Variants in MAPKAP1 observed in about 807,000 individuals in gnomAD.
MAPKAP1 encodes MAPK associated protein 1.
A neutral mutation model predicts 65.7 loss-of-function variants in MAPKAP1; 20 were observed. That is an observed-to-expected ratio of 0.30 (90% CI 0.21 to 0.44). The LOEUF (loss-of-function observed/expected upper bound fraction) is 0.44, where lower values mean the gene tolerates loss of function less well. Ranked by LOEUF, MAPKAP1 falls within the 20% of genes least tolerant of loss-of-function variation. The pLI, the probability that MAPKAP1 is intolerant of heterozygous loss-of-function variation, is 1.00. For synonymous variants in MAPKAP1, 222 were observed against 244.3 expected, an observed-to-expected ratio of 0.91 and a Z score of 0.85; for missense variants, 423 against 648.0, an observed-to-expected ratio of 0.65 and a Z score of 3.77.
intron 7 of MAPKAP1, among the ~76,000 whole-genome samples, chr9:125,536,238 G>A (rs1830069486): frequency 6.6e-6 from 1 of 152,074 alleles, no homozygotes; most frequent in South Asian, 2.1e-4. Context: ...TCTATATTTG[G>A]GAAGATCCAT....
At chr9:125,607,978 G>T (rs1266633688) in intron 4 of MAPKAP1, among the ~76,000 whole-genome samples, 2 of 152,200 alleles carry the variant, frequency 1.3e-5, no homozygotes, top group African/African-American at 4.8e-5. Context: ...AAATCAACTT[G>T]TGGGCTTCCG....
chr9:125,452,879 G>A (rs750037331), intron 10 of MAPKAP1, among the ~76,000 whole-genome samples: 14 of 151,772 alleles, frequency 9.2e-5, no homozygotes, highest in South Asian at 4.2e-4. Context: ...GTAACACAGC[G>A]GGACTCTGTC....
At chr9:125,603,110 T>A (rs537492004) in intron 4 of MAPKAP1, among the ~76,000 whole-genome samples, 2 of 151,980 alleles carry the variant, frequency 1.3e-5, no homozygotes, top group Non-Finnish European at 2.9e-5. Flanking sequence ...GTCTCAATTA[T>A]GTTGCCCAGG....
intron 4 of MAPKAP1, among the ~76,000 whole-genome samples, chr9:125,639,963 ACT>A (rs1833531315): frequency 6.6e-6 from 1 of 151,802 alleles, no homozygotes; most frequent in South Asian, 2.1e-4. Flanking sequence ...GCAGTGAAAA[ACT>A]CAGTCAAAGA....
intron 10 of MAPKAP1, among the ~76,000 whole-genome samples, chr9:125,465,122 T>C (rs1024296039): frequency 1.3e-5 from 2 of 152,208 alleles, no homozygotes; most frequent in Admixed American, 1.3e-4. Flanking sequence ...GGCAAGACAC[T>C]TGTGCTACCA....
At chr9:125,614,495 G>A (rs1213867236) in intron 4 of MAPKAP1, among the ~76,000 whole-genome samples, 2 of 152,070 alleles carry the variant, frequency 1.3e-5, no homozygotes. Context: ...GTGGTAGCAG[G>A]CGCCTGTAAT....
At chr9:125,660,786 C>G (rs188355006) in intron 3 of MAPKAP1, among the ~76,000 whole-genome samples, 6 of 152,324 alleles carry the variant, frequency 3.9e-5, no homozygotes, top group African/African-American at 1.4e-4. Flanking sequence ...GTTATCATCA[C>G]CTTAAAACCC....
intron 4 of MAPKAP1, among the ~76,000 whole-genome samples, chr9:125,644,024 G>C (rs1258324012): frequency 1.3e-5 from 2 of 152,178 alleles, no homozygotes; most frequent in Non-Finnish European, 2.9e-5. Flanking sequence ...TTAAGAACAA[G>C]CCTTAACTCA....
chr9:125,468,757 GC>G (rs1345123386), intron 9 of MAPKAP1, among the ~76,000 whole-genome samples: 1 of 152,178 alleles, frequency 6.6e-6, no homozygotes, highest in Non-Finnish European at 1.5e-5. Flanking sequence ...AGAGGTCATT[GC>G]CCCCCTGCTG....
chr9:125,501,464 TG>T (rs1270717811), intron 8 of MAPKAP1, among the ~76,000 whole-genome samples: 1 of 152,250 alleles, frequency 6.6e-6, no homozygotes, highest in Non-Finnish European at 1.5e-5. Flanking sequence ...CAAACTGGCC[TG>T]AAAATTTTCT....
intron 4 of MAPKAP1, among the ~76,000 whole-genome samples, chr9:125,653,891 T>C (rs1471223994): frequency 2.7e-5 from 4 of 149,194 alleles, no homozygotes; most frequent in Non-Finnish European, 5.9e-5. Context: ...AATCAGTCCC[T>C]TTTTTTTTAT....
intron 5 of MAPKAP1, among the ~76,000 whole-genome samples, chr9:125,564,946 T>C (rs1589291799): frequency 1.3e-5 from 2 of 152,090 alleles, no homozygotes; most frequent in East Asian, 3.9e-4. Context: ...GACTTAATTT[T>C]AGAGTTGGTT....
intron 4 of MAPKAP1, among the ~76,000 whole-genome samples, chr9:125,622,983 A>G (rs1221783021): frequency 1.3e-5 from 2 of 152,014 alleles, no homozygotes; most frequent in Non-Finnish European, 2.9e-5. Context: ...GTTTTGGTGG[A>G]GACGGGGTTT....
At chr9:125,598,487 G>A (rs1832205192) in intron 4 of MAPKAP1, among the ~76,000 whole-genome samples, 1 of 152,072 alleles carries the variant, frequency 6.6e-6, no homozygotes, top group African/African-American at 2.4e-5. Context: ...AACGTCAACT[G>A]CCACTCTTTC....
At chr9:125,495,465 G>A (rs894979016) in intron 8 of MAPKAP1, among the ~76,000 whole-genome samples, 2 of 152,102 alleles carry the variant, frequency 1.3e-5, no homozygotes, top group South Asian at 2.1e-4. Context: ...CCAGTGTATC[G>A]CTTAATGAAA....
At chr9:125,485,294 G>A (rs180847798) in intron 8 of MAPKAP1, among the ~76,000 whole-genome samples, 30 of 152,210 alleles carry the variant, frequency 2.0e-4, no homozygotes, top group Non-Finnish European at 2.5e-4. Context: ...CAGTCCAGCC[G>A]CCACAGGCTT....
chr9:125,565,247 C>T (rs1831014683), intron 5 of MAPKAP1: 1 of 152,154 alleles, frequency 6.6e-6, no homozygotes, highest in African/African-American at 2.4e-5. Context: ...GTATAGCTTT[C>T]ACAAAGCGAC....
intron 4 of MAPKAP1, among the ~76,000 whole-genome samples, chr9:125,650,967 A>G (rs968456690): frequency 6.6e-6 from 1 of 152,048 alleles, no homozygotes; most frequent in African/African-American, 2.4e-5. Context: ...GTCTTTAATG[A>G]ATTTGATCCT....
chr9:125,649,288 C>A (rs1833823171), intron 4 of MAPKAP1, among the ~76,000 whole-genome samples: 1 of 152,186 alleles, frequency 6.6e-6, no homozygotes, highest in South Asian at 2.1e-4. Context: ...GAAGGTAGTA[C>A]AACAACAGTA....
Sources: allele counts gnomAD v4.1 joint callset (sites outside exome capture counted in the v4.1 genomes callset), GRCh38; gene constraint gnomAD v4.1.1; transcripts MANE v1.5; gene names NCBI Gene and HGNC (gene_info 2026-07-23, HGNC 2026-07-21).